Variants in TLN2 observed in about 807,000 individuals in gnomAD.
TLN2 encodes the protein talin-2.
In TLN2, 118 loss-of-function variants were observed where a neutral mutation model predicts 294.7. The ratio of observed to expected loss-of-function variants is 0.40; its 90% CI spans 0.34 to 0.47. The LOEUF (loss-of-function observed/expected upper bound fraction) is 0.47. Among genes scored for constraint, TLN2 ranks in the 20% least tolerant of loss-of-function variants. The pLI is 0.84. For synonymous variants in TLN2, 1,431 were observed against 1,304.5 expected, an observed-to-expected ratio of 1.10 and a Z score of -2.09; for missense variants, 3,083 against 3,282.2, an observed-to-expected ratio of 0.94 and a Z score of 1.48.
At chr15:62,512,369 C>G (rs939340079) in intron 1 of TLN2, among the ~76,000 whole-genome samples, 2 of 152,030 alleles carry the variant, frequency 1.3e-5, no homozygotes, top group Non-Finnish European at 2.9e-5. Context: ...AAAATTATTT[C>G]CCTTCCTTTC....
At chr15:62,455,450 T>C (rs183756041) in intron 1 of TLN2, among the ~76,000 whole-genome samples, 79 of 152,090 alleles carry the variant, frequency 5.2e-4, no homozygotes, top group African/African-American at 1.8e-3. Context: ...AGCACAGGGG[T>C]TGGTTAAAGA....
At chr15:62,417,803 T>C (rs1424118011) in intron 1 of TLN2, among the ~76,000 whole-genome samples, 1 of 152,226 alleles carries the variant, frequency 6.6e-6, no homozygotes, top group African/African-American at 2.4e-5. Flanking sequence ...TATGCATTCA[T>C]TGGGACAGAA....
intron 1 of TLN2, among the ~76,000 whole-genome samples, chr15:62,558,755 A>G (rs1424487079): frequency 6.6e-6 from 1 of 152,062 alleles, no homozygotes; most frequent in Non-Finnish European, 1.5e-5. Context: ...AGGTTGGGGG[A>G]AGATAAGTAA....
chr15:62,536,315 C>A (rs2041348685), intron 1 of TLN2, among the ~76,000 whole-genome samples: 1 of 152,182 alleles, frequency 6.6e-6, no homozygotes, highest in Non-Finnish European at 1.5e-5. Context: ...AGGATTCTCC[C>A]AAGGCACTCA....
At chr15:62,674,787 C>T (rs948895332) in intron 10 of TLN2, among the ~76,000 whole-genome samples, 2 of 152,194 alleles carry the variant, frequency 1.3e-5, no homozygotes, top group African/African-American at 2.4e-5. Flanking sequence ...TAGGCATAAG[C>T]CACCACACCC....
intron 1 of TLN2, among the ~76,000 whole-genome samples, chr15:62,446,652 G>C (rs1245129350): frequency 7.8e-6 from 1 of 128,972 alleles, no homozygotes; most frequent in Non-Finnish European, 1.7e-5. Context: ...AACTTTACCT[G>C]ATCGCTGTGA....
chr15:62,455,122 C>T (rs1326997745), intron 1 of TLN2, among the ~76,000 whole-genome samples: 1 of 152,110 alleles, frequency 6.6e-6, no homozygotes, highest in Non-Finnish European at 1.5e-5. Flanking sequence ...CCATTGTATT[C>T]AATGGACTCC....
intron 1 of TLN2, among the ~76,000 whole-genome samples, chr15:62,494,250 CAGT>C (rs1373614797): frequency 6.6e-6 from 1 of 151,864 alleles, no homozygotes; most frequent in Non-Finnish European, 1.5e-5. Flanking sequence ...AGGCTGAGGG[CAGT>C]GGACCCTTGA....
intron 1 of TLN2, among the ~76,000 whole-genome samples, chr15:62,542,480 G>A (rs1414005343): frequency 2.6e-5 from 4 of 152,178 alleles, no homozygotes; most frequent in Admixed American, 1.3e-4. Context: ...GTGAGGCATC[G>A]CGCCCGGCCC....
At chr15:62,679,195 A>C (rs1331214500) in intron 11 of TLN2, among the ~76,000 whole-genome samples, 1 of 152,174 alleles carries the variant, frequency 6.6e-6, no homozygotes, top group African/African-American at 2.4e-5. Context: ...TGGTACTGTC[A>C]CTTTGGAAAA....
At chr15:62,505,119 G>C (rs556023142) in intron 1 of TLN2, among the ~76,000 whole-genome samples, 55 of 150,674 alleles carry the variant, frequency 3.7e-4, no homozygotes, top group African/African-American at 1.3e-3. Flanking sequence ...ACTATGCCCA[G>C]CTAATTTTTT....
rs752040323 is a variant in TLN2, at chr15:62,805,580, T to G, written c.6478-20T>G. On this transcript the variant is annotated intron_variant, in intron 50 of 58. Coordinates refer to ENST00000636159, the MANE Select transcript of TLN2 (RefSeq NM_015059.3). ...CGTTTCCTTTTTGATTTTTTTAACC[T>G]CTCTGTTTCTGACTTCCAGGTGTTC... The G allele has an allele frequency of 3.8e-6, 6 of 1,569,832 alleles. No homozygotes were observed. In the Admixed American group the frequency reaches 1.1e-4, roughly 29 times the overall value.
At chr15:62,656,467 A>G (rs191470197) in intron 8 of TLN2, among the ~76,000 whole-genome samples, 1 of 152,328 alleles carries the variant, frequency 6.6e-6, no homozygotes, top group Admixed American at 6.5e-5. Flanking sequence ...GACTCTCATT[A>G]ACTGGAAGAT....
At chr15:62,481,661 A>C (rs1424975824) in intron 1 of TLN2, among the ~76,000 whole-genome samples, 1 of 152,164 alleles carries the variant, frequency 6.6e-6, no homozygotes, top group Non-Finnish European at 1.5e-5. Context: ...ACACCCAGCC[A>C]AGAAAGTGCT....
Position 62,836,250 on chromosome 15 carries a change from C to T in TLN2, c.7374+177C>T, listed in dbSNP as rs148580859. On this transcript the variant is annotated intron_variant, in intron 57 of 58. Transcript: ENST00000636159. The stretch of plus-strand genomic sequence containing the variant: ...TGCATCCTCCACTGCTGCCCCACCA[C>T]GCTGCCATTCTCCTCGTGTGCCTTC... The T allele has an allele frequency of 3.4e-4, 306 of 895,894 alleles. No homozygotes were observed. In the East Asian group the frequency reaches 4.1e-3, roughly 12 times the overall value. The allele number at this position is 895,894 out of a possible 1,614,324, so 55.5% of individuals were successfully genotyped here.
chr15:62,686,899 G>C, intron 12 of TLN2, 103 bp downstream of exon 12: 1 of 1,460,988 alleles, frequency 6.8e-7, no homozygotes, highest in Non-Finnish European at 9.2e-7. Context: ...TCTCTGGCCT[G>C]GGAGAGCCAG....
intron 9 of TLN2, among the ~76,000 whole-genome samples, chr15:62,666,885 G>C (rs2054716023): frequency 6.6e-6 from 1 of 152,208 alleles, no homozygotes; most frequent in African/African-American, 2.4e-5. Flanking sequence ...TTATCTAAAG[G>C]GCTTGTTACA....
At chr15:62,622,030 C>G (rs1225226157) in intron 3 of TLN2, among the ~76,000 whole-genome samples, 1 of 151,972 alleles carries the variant, frequency 6.6e-6, no homozygotes, top group Non-Finnish European at 1.5e-5. Flanking sequence ...CCCATCCTTC[C>G]CCGGCAGTGC....
chr15:62,481,465 C>T (rs568527925), intron 1 of TLN2, among the ~76,000 whole-genome samples: 110 of 152,326 alleles, frequency 7.2e-4, no homozygotes, highest in Non-Finnish European at 1.3e-3. Context: ...TAGGCACAAA[C>T]GATTGTCCTG....
Sources: allele counts gnomAD v4.1 joint callset (sites outside exome capture counted in the v4.1 genomes callset), GRCh38; gene constraint gnomAD v4.1.1; transcripts MANE v1.5; gene names NCBI Gene and HGNC (gene_info 2026-07-23, HGNC 2026-07-21).